The following FARS2 variants were observed in gnomAD, a reference collection of about 807,000 sequenced individuals.
FARS2 encodes the protein phenylalanyl-tRNA synthetase 2, mitochondrial.
Under a neutral mutation model 46.4 loss-of-function variants are expected in FARS2, and 40 were observed. The ratio of observed to expected loss-of-function variants is 0.86; its 90% CI spans 0.67 to 1.12. The LOEUF (loss-of-function observed/expected upper bound fraction) is 1.12, where lower values mean the gene tolerates loss of function less well. FARS2 is among the 50% of genes most tolerant of loss of function. The probability of loss-of-function intolerance (pLI) is 0.00; values close to 1 mark genes in which losing one functional copy is unlikely to be tolerated. For synonymous variants in FARS2, 234 were observed against 214.9 expected, an observed-to-expected ratio of 1.09 and a Z score of -0.78; for missense variants, 513 against 567.9, an observed-to-expected ratio of 0.90 and a Z score of 0.98.
chr6:5,294,447 C>T (rs1399172206), intron 1 of FARS2, among the ~76,000 whole-genome samples: 1 of 152,104 alleles, frequency 6.6e-6, no homozygotes, highest in East Asian at 1.9e-4. Context: ...GTTTTTTCCC[C>T]ATACACCAAG....
chr6:5,596,396 A>G (rs1774199587), intron 5 of FARS2, among the ~76,000 whole-genome samples: 1 of 152,236 alleles, frequency 6.6e-6, no homozygotes, highest in Non-Finnish European at 1.5e-5. Flanking sequence ...AGAATGGGTA[A>G]GTGAAAGTTG....
At chr6:5,651,969 G>A (rs1249805320) in intron 6 of FARS2, among the ~76,000 whole-genome samples, 1 of 152,122 alleles carries the variant, frequency 6.6e-6, no homozygotes, top group Non-Finnish European at 1.5e-5. Flanking sequence ...AAAGCTGGGG[G>A]AAACAGAACG....
intron 6 of FARS2, among the ~76,000 whole-genome samples, chr6:5,693,426 C>G (rs528080636): frequency 1.3e-5 from 2 of 152,192 alleles, no homozygotes. Flanking sequence ...CCTCCCAAAG[C>G]GTGGCTGCTG....
intron 4 of FARS2, among the ~76,000 whole-genome samples, chr6:5,533,014 A>G (rs1383637318): frequency 6.6e-6 from 1 of 152,106 alleles, no homozygotes; most frequent in East Asian, 1.9e-4. Flanking sequence ...ACCTATGAGG[A>G]GAAACCTGAG....
rs553933064 is a variant in FARS2, at chr6:5,737,082, A to G, written c.1218-34209A>G. Reference sequence around the variant, plus strand: ...AAATCAGACTTCACAGGTACCATACATTAGCAACACAGATGACCCTGCGTG... The same window carrying G: ...AAATCAGACTTCACAGGTACCATACGTTAGCAACACAGATGACCCTGCGTG... On this transcript the variant is annotated intron_variant, in intron 6 of 6. Transcript: ENST00000274680. 5.3e-5 allele frequency among the ~76,000 whole-genome samples: 8 copies of G among 152,348 alleles called. No homozygotes were observed. In the East Asian group the frequency reaches 1.5e-3, roughly 29 times the overall value.
intron 6 of FARS2, among the ~76,000 whole-genome samples, chr6:5,669,147 C>T (rs1297140530): frequency 2.6e-5 from 4 of 152,190 alleles, no homozygotes; most frequent in African/African-American, 9.7e-5. Context: ...GATGTTAATT[C>T]CCTTTCTCCT....
At chr6:5,748,638 A>T (rs554937947) in intron 6 of FARS2, among the ~76,000 whole-genome samples, 1 of 152,250 alleles carries the variant, frequency 6.6e-6, no homozygotes, top group African/African-American at 2.4e-5. Flanking sequence ...GCTGGGGCCG[A>T]GAGAGGCTGA....
At position 5,545,166 on chromosome 6, in the gene FARS2, T is replaced by C; in HGVS notation, c.905-14T>C. On this transcript the variant is annotated splice_polypyrimidine_tract_variant and intron_variant, in intron 4 of 6. Coordinates refer to ENST00000274680, the MANE Select transcript of FARS2 (RefSeq NM_006567.5). ...ATACTTTTTAAAAACAACTATTTTG[T>C]TTCCTAATCACAGCTGGTGCTCAAG... is the stretch of plus-strand genomic sequence containing the variant. 6.2e-7 allele frequency: 1 copy of C among 1,613,394 alleles called. No individual in the cohort carries two copies. Among genetic ancestry groups the C allele is most frequent in the South Asian group, 1.1e-5 (1 of 90,986 alleles).
chr6:5,626,839 T>A (rs1776057059), intron 6 of FARS2, among the ~76,000 whole-genome samples: 1 of 152,200 alleles, frequency 6.6e-6, no homozygotes, highest in Non-Finnish European at 1.5e-5. Flanking sequence ...ATGTAAGTAT[T>A]ATGGAGTGTA....
chr6:5,656,607 G>A (rs750654768), intron 6 of FARS2, among the ~76,000 whole-genome samples: 1 of 127,800 alleles, frequency 7.8e-6, no homozygotes, highest in Non-Finnish European at 1.7e-5. Flanking sequence ...CTGGAGTGCT[G>A]TGGTACAATC....
chr6:5,708,607 A>G (rs1158760064), intron 6 of FARS2, among the ~76,000 whole-genome samples: 1 of 152,210 alleles, frequency 6.6e-6, no homozygotes, highest in Non-Finnish European at 1.5e-5. Context: ...TTCCTGCTGA[A>G]GCTGAGCTCA....
intron 1 of FARS2, among the ~76,000 whole-genome samples, chr6:5,268,976 A>G (rs1186390266): frequency 2.6e-5 from 4 of 152,180 alleles, no homozygotes; most frequent in South Asian, 4.1e-4. Context: ...TCACCCGGCA[A>G]TCTCATTACT....
intron 4 of FARS2, among the ~76,000 whole-genome samples, chr6:5,527,073 G>A (rs545698380): frequency 3.0e-4 from 46 of 152,188 alleles, no homozygotes; most frequent in Non-Finnish European, 5.6e-4. Context: ...AATGTATACA[G>A]TATTATATAG....
At chr6:5,365,006 C>G (rs982459568) in intron 1 of FARS2, among the ~76,000 whole-genome samples, 2 of 151,814 alleles carry the variant, frequency 1.3e-5, no homozygotes, top group Non-Finnish European at 2.9e-5. Context: ...CCATGATCAT[C>G]CCACTGCACT....
At chr6:5,651,479 C>A (rs941996631) in intron 6 of FARS2, among the ~76,000 whole-genome samples, 6 of 152,028 alleles carry the variant, frequency 3.9e-5, no homozygotes, top group Non-Finnish European at 8.8e-5. Flanking sequence ...GTGTTTCCAC[C>A]AAAACGAGAA....
chr6:5,640,139 G>GGGGTGT (rs1554119732), intron 6 of FARS2, among the ~76,000 whole-genome samples: 12 of 149,788 alleles, frequency 8.0e-5, no homozygotes, highest in Admixed American at 2.7e-4. Context: ...ACTTTTGTCA[G>GGGGTGT]GTGTGTGTGT....
chr6:5,334,917 A>G (rs1771052283), intron 1 of FARS2, among the ~76,000 whole-genome samples: 2 of 152,200 alleles, frequency 1.3e-5, no homozygotes, highest in South Asian at 2.1e-4. Context: ...GGGGCAGTGT[A>G]GAACAACTGC....
At chr6:5,603,864 A>G (rs1774679896) in intron 5 of FARS2, among the ~76,000 whole-genome samples, 1 of 152,218 alleles carries the variant, frequency 6.6e-6, no homozygotes, top group African/African-American at 2.4e-5. Flanking sequence ...AACACAAGTC[A>G]ATCCATAACA....
At chr6:5,253,064 TTGTAA>T in the FARS2 span, among the ~76,000 whole-genome samples, 1 of 152,244 alleles carries the variant, frequency 6.6e-6, no homozygotes, top group Admixed American at 6.5e-5. Context: ...CTTTAGGAGC[TTGTAA>T]TGTTTTACCC....
Sources: allele counts gnomAD v4.1 joint callset (sites outside exome capture counted in the v4.1 genomes callset), GRCh38; gene constraint gnomAD v4.1.1; transcripts MANE v1.5; gene names NCBI Gene and HGNC (gene_info 2026-07-23, HGNC 2026-07-21).